The following AUTS2 variants were observed in gnomAD, a reference collection of about 807,000 sequenced individuals.
AUTS2 encodes activator of transcription and developmental regulator AUTS2.
In AUTS2, 17 loss-of-function variants were observed where a neutral mutation model predicts 112.4. That is an observed-to-expected ratio of 0.15 (90% confidence interval 0.10 to 0.23). AUTS2 has a LOEUF of 0.23. AUTS2 is among the 10% of genes least tolerant of loss of function. The pLI is 1.00. For missense variants in AUTS2, 1,510 were observed against 1,701.6 expected (o/e 0.89, Z 1.98); for synonymous variants, 751 against 702.7 (o/e 1.07, Z -1.09).
At chr7:69,752,749 T>C (rs1312144442) in intron 1 of AUTS2, among the ~76,000 whole-genome samples, 3 of 152,174 alleles carry the variant, frequency 2.0e-5, no homozygotes, top group African/African-American at 7.2e-5. Context: ...TGGAAAAATA[T>C]GACTTTTAGG....
chr7:69,946,498 C>T (rs374739239), intron 2 of AUTS2, among the ~76,000 whole-genome samples: 14 of 150,632 alleles, frequency 9.3e-5, no homozygotes, highest in Admixed American at 3.3e-4. Flanking sequence ...ATAGTCAAGA[C>T]GTGGAAACAA....
At chr7:70,295,987 T>G (rs1481727377) in intron 4 of AUTS2, among the ~76,000 whole-genome samples, 1 of 150,216 alleles carries the variant, frequency 6.7e-6, no homozygotes, top group Non-Finnish European at 1.5e-5. Context: ...TTGTAAACAC[T>G]GGGAATACCA....
intron 6 of AUTS2, among the ~76,000 whole-genome samples, chr7:70,744,492 C>T (rs1475694696): frequency 6.6e-6 from 1 of 152,144 alleles, no homozygotes; most frequent in Non-Finnish European, 1.5e-5. Flanking sequence ...GACTAAAAGC[C>T]TTCCACAGTG....
chr7:70,010,487 T>G (rs1799749263), intron 2 of AUTS2, among the ~76,000 whole-genome samples: 1 of 152,166 alleles, frequency 6.6e-6, no homozygotes, highest in Admixed American at 6.5e-5. Flanking sequence ...TATTCTCTTT[T>G]CCTCTACATG....
At chr7:69,666,199 A>G (rs1395094064) in intron 1 of AUTS2, among the ~76,000 whole-genome samples, 2 of 152,306 alleles carry the variant, frequency 1.3e-5, no homozygotes, top group Non-Finnish European at 2.9e-5. Context: ...TACACATATA[A>G]AAAGCTTCTC....
At chr7:69,630,626 T>G (rs767823362) in intron 1 of AUTS2, among the ~76,000 whole-genome samples, 8 of 152,228 alleles carry the variant, frequency 5.3e-5, no homozygotes, top group Admixed American at 1.3e-4. Context: ...ACAACTTCCT[T>G]TCTCTGTTTT....
intron 5 of AUTS2, among the ~76,000 whole-genome samples, chr7:70,571,043 A>G (rs1314110282): frequency 2.6e-5 from 4 of 152,354 alleles, no homozygotes; most frequent in Middle Eastern, 3.4e-3. Context: ...CAAGCCTTAC[A>G]ATGTATAGTA....
At chr7:69,764,615 T>C (rs1323191283) in intron 1 of AUTS2, among the ~76,000 whole-genome samples, 1 of 152,144 alleles carries the variant, frequency 6.6e-6, no homozygotes, top group South Asian at 2.1e-4. Flanking sequence ...AAGTAGTACC[T>C]TGGCATTCTA....
chr7:70,565,093 G>A (rs1279439252), intron 5 of AUTS2, among the ~76,000 whole-genome samples: 4 of 152,008 alleles, frequency 2.6e-5, no homozygotes, highest in African/African-American at 9.7e-5. Context: ...GTGAGACTCT[G>A]TCTCAAAAAA....
chr7:70,300,281 T>C (rs1246571227), intron 4 of AUTS2, among the ~76,000 whole-genome samples: 5 of 152,220 alleles, frequency 3.3e-5, no homozygotes, highest in Non-Finnish European at 5.9e-5. Flanking sequence ...CAAAATGTTT[T>C]AACAAAGTTT....
intron 5 of AUTS2, among the ~76,000 whole-genome samples, chr7:70,573,931 G>A (rs1802052839): frequency 6.6e-6 from 1 of 152,158 alleles, no homozygotes; most frequent in African/African-American, 2.4e-5. Context: ...TCCAGATCTT[G>A]CTGAAATTTG....
chr7:70,002,812 T>TA (rs1317991838), intron 2 of AUTS2, among the ~76,000 whole-genome samples: 1 of 152,090 alleles, frequency 6.6e-6, no homozygotes, highest in African/African-American at 2.4e-5. Flanking sequence ...GAGTCACAGA[T>TA]ACTGTTAATG....
intron 5 of AUTS2, among the ~76,000 whole-genome samples, chr7:70,552,586 A>T (rs1386852343): frequency 6.6e-6 from 1 of 152,252 alleles, no homozygotes; most frequent in Non-Finnish European, 1.5e-5. Context: ...GAGCAGGAAG[A>T]GAGGCCTTTG....
intron 1 of AUTS2, among the ~76,000 whole-genome samples, chr7:69,659,583 G>GTTTTT (rs58289887): frequency 0.028 from 2,230 of 80,608 alleles, 61 homozygotes; most frequent in Middle Eastern, 0.087. Flanking sequence ...AGGCTTAGTT[G>GTTTTT]TTTTTTTTTT....
intron 1 of AUTS2, among the ~76,000 whole-genome samples, chr7:69,642,836 G>A (rs906018060): frequency 3.9e-5 from 6 of 152,068 alleles, no homozygotes; most frequent in Non-Finnish European, 7.4e-5. Context: ...AAATTATCTC[G>A]TATTGGTTAT....
chr7:70,282,685 T>C (rs1788276804), intron 4 of AUTS2, among the ~76,000 whole-genome samples: 1 of 152,166 alleles, frequency 6.6e-6, no homozygotes, highest in Non-Finnish European at 1.5e-5. Flanking sequence ...CCACAGTCCC[T>C]GTGAAGAAGG....
At chr7:69,608,905 A>G (rs1277122065) in intron 1 of AUTS2, among the ~76,000 whole-genome samples, 2 of 152,200 alleles carry the variant, frequency 1.3e-5, no homozygotes, top group Non-Finnish European at 2.9e-5. Context: ...TGACAATTAC[A>G]GTTTTGAGAT....
At chr7:69,744,299 T>G (rs1449522132) in intron 1 of AUTS2, among the ~76,000 whole-genome samples, 1 of 152,180 alleles carries the variant, frequency 6.6e-6, no homozygotes, top group Non-Finnish European at 1.5e-5. Context: ...CAGCTATGTT[T>G]TCATCTATTT....
At chr7:70,270,161 A>G (rs530499703) in intron 4 of AUTS2, among the ~76,000 whole-genome samples, 1 of 152,318 alleles carries the variant, frequency 6.6e-6, no homozygotes, top group Admixed American at 6.5e-5. Context: ...TGGGAAATAA[A>G]TTCTTTAAGG....
Sources: gnomAD v4.1 joint callset for allele counts (sites outside exome capture counted in the v4.1 genomes callset) on GRCh38, gnomAD v4.1.1 for gene constraint, MANE v1.5 for transcripts, NCBI Gene and HGNC (gene_info 2026-07-23, HGNC 2026-07-21) for gene names.